Variants in SLC25A17 observed in about 807,000 individuals in gnomAD.
SLC25A17 encodes peroxisomal membrane protein PMP34.
Under a neutral mutation model 38.5 loss-of-function variants are expected in SLC25A17, and 26 were observed. The observed-to-expected ratio is 0.68, with a 90% confidence interval of 0.50 to 0.94. SLC25A17 has a LOEUF of 0.94. SLC25A17 is among the 40% of genes least tolerant of loss of function. The pLI is 0.00. For synonymous variants in SLC25A17, 139 were observed against 136.2 expected, an observed-to-expected ratio of 1.02 and a Z score of -0.14; for missense variants, 333 against 372.7, an observed-to-expected ratio of 0.89 and a Z score of 0.88.
chr22:40,770,890 T>G lies in SLC25A17; in HGVS notation c.868A>C (p.Lys290Gln). ...ACTGTGAAGGTGGCAGCTGTCAGTT[T>G]CTCATAAACAAGGAACATGAGAGCA... ...TAALMFLVYE[K>Q]LTAATFTVMG... The change falls in exon 9 of 9, where the codon AAA (lysine) becomes CAA (glutamine). Residue 290 changes from lysine to glutamine, a missense_variant. Lys to Gln is a moderately conservative substitution (Grantham distance 53). Transcript: ENST00000435456. 6.2e-7 allele frequency: 1 copy of G among 1,613,574 alleles called. No individual in the cohort carries two copies. The highest frequency in any genetic ancestry group is 8.5e-7 in the Non-Finnish European group (1 of 1,179,574).
chr22:40,796,880 C>T lies in SLC25A17; in HGVS notation c.115+2143G>A, dbSNP rs542932416. On this transcript the variant is annotated intron_variant, in intron 2 of 8. Transcript: ENST00000435456. Reference sequence around the variant, plus strand: ...GAACACTCCACGGCTGTAAGACAGACGAAGACGCTCCCAATGCGCTGATTC... The same window carrying T: ...GAACACTCCACGGCTGTAAGACAGATGAAGACGCTCCCAATGCGCTGATTC... Among the ~76,000 whole-genome samples, 7 of 152,098 alleles carry T rather than the reference C, an allele frequency of 4.6e-5. No individual in the cohort carries two copies. The South Asian group carries it at 8.3e-4, about 18-fold the overall frequency.
chr22:40,815,094 C>T (rs911308704), intron 1 of SLC25A17, among the ~76,000 whole-genome samples: 1 of 152,076 alleles, frequency 6.6e-6, no homozygotes, highest in Admixed American at 6.6e-5. Flanking sequence ...GCTGGGATTA[C>T]AGGTGTGAGC....
chr22:40,774,530 A>G (rs1011283065), intron 7 of SLC25A17, among the ~76,000 whole-genome samples: 2 of 152,184 alleles, frequency 1.3e-5, no homozygotes, highest in Admixed American at 1.3e-4. Flanking sequence ...GGCCTAAGAA[A>G]AATTTTTCAA....
At chr22:40,771,261 C>G (rs1031031766) in intron 8 of SLC25A17, among the ~76,000 whole-genome samples, 8 of 152,286 alleles carry the variant, frequency 5.3e-5, no homozygotes, top group South Asian at 4.1e-4. Context: ...GCACCCGCCA[C>G]GACACCAGGC....
intron 2 of SLC25A17, among the ~76,000 whole-genome samples, chr22:40,798,527 A>G (rs2057450568): frequency 6.6e-6 from 1 of 152,064 alleles, no homozygotes; most frequent in African/African-American, 2.4e-5. Flanking sequence ...TCTACCAGGT[A>G]TCTATCTTCT....
chr22:40,772,172 C>T (rs748049550), intron 8 of SLC25A17, among the ~76,000 whole-genome samples: 6 of 152,170 alleles, frequency 3.9e-5, no homozygotes, highest in Non-Finnish European at 8.8e-5. Flanking sequence ...GCCAAATTGC[C>T]TTCCAAAGCA....
chr22:40,798,638 G>C (rs1326834679), intron 2 of SLC25A17, among the ~76,000 whole-genome samples: 1 of 46,426 alleles, frequency 2.2e-5, no homozygotes, highest in Non-Finnish European at 4.3e-5. Context: ...ATCCCCTCTA[G>C]AAAAATAAAA....
chr22:40,808,707 A>G (rs552941798), intron 1 of SLC25A17, among the ~76,000 whole-genome samples: 5 of 152,186 alleles, frequency 3.3e-5, no homozygotes, highest in Non-Finnish European at 7.4e-5. Context: ...AGAGGCAAAT[A>G]TTTTTTGTAA....
intron 4 of SLC25A17, among the ~76,000 whole-genome samples, chr22:40,787,015 A>G (rs1234140922): frequency 1.3e-5 from 2 of 152,236 alleles, no homozygotes; most frequent in Admixed American, 6.5e-5. Context: ...CTGTCTAGCA[A>G]AAGATGAAGA....
intron 4 of SLC25A17, among the ~76,000 whole-genome samples, chr22:40,787,140 G>A (rs1470583496): frequency 6.6e-6 from 1 of 152,186 alleles, no homozygotes; most frequent in African/African-American, 2.4e-5. Context: ...GTGGGTACAG[G>A]AAACAAGGAA....
At chr22:40,780,460 A>G (rs1416442406) in intron 4 of SLC25A17, among the ~76,000 whole-genome samples, 1 of 152,232 alleles carries the variant, frequency 6.6e-6, no homozygotes, top group Non-Finnish European at 1.5e-5. Context: ...TTAGTTACAG[A>G]TTCTTCCTAG....
chr22:40,807,351 A>G (rs1433860980), intron 1 of SLC25A17, among the ~76,000 whole-genome samples: 1 of 152,240 alleles, frequency 6.6e-6, no homozygotes, highest in African/African-American at 2.4e-5. Context: ...ATTTTCCTAA[A>G]GTCAGACAGC....
chr22:40,802,734 G>C (rs1428365743), intron 1 of SLC25A17, among the ~76,000 whole-genome samples: 1 of 152,134 alleles, frequency 6.6e-6, no homozygotes, highest in Non-Finnish European at 1.5e-5. Flanking sequence ...AGGGTTAGCT[G>C]AAAACCCACC....
chr22:40,799,054 A>G lies in SLC25A17; in HGVS notation c.84T>C (p.Phe28=), dbSNP rs2057457059. 1 of 1,613,324 alleles carries G rather than the reference A, an allele frequency of 6.2e-7. No individual in the cohort carries two copies. Among genetic ancestry groups the G allele is most frequent in the Non-Finnish European group, 8.5e-7 (1 of 1,179,306 alleles). The change falls in exon 2 of 9, where the codon TTT becomes TTC. Residue 28 remains phenylalanine, a synonymous_variant. Coordinates refer to ENST00000435456, the MANE Select transcript of SLC25A17 (RefSeq NM_006358.4). ...VGSVTAMTVF[F]PLDTARLRLQ... ...GTCGAAGTCTAGCTGTATCCAGGGGAAAAAACACTGTCATTGCTGTCACGC... is the reference window on the plus strand; with the variant it reads ...GTCGAAGTCTAGCTGTATCCAGGGGGAAAAACACTGTCATTGCTGTCACGC...
chr22:40,776,961 A>C, intron 7 of SLC25A17, 79 bp downstream of exon 7: 1 of 1,213,438 alleles, frequency 8.2e-7, no homozygotes, highest in Non-Finnish European at 1.2e-6. Context: ...TTATTGCTTT[A>C]TTAACATTGT....
intron 1 of SLC25A17, among the ~76,000 whole-genome samples, chr22:40,809,279 G>C (rs2057556692): frequency 6.6e-6 from 1 of 151,722 alleles, no homozygotes; most frequent in South Asian, 2.1e-4. Context: ...ACTGCTTGAG[G>C]CCAAGAGTTC....
At chr22:40,779,233 C>T (rs1004015156) in intron 4 of SLC25A17, 108 bp from the exon 5 acceptor site, 1 of 1,569,340 alleles carries the variant, frequency 6.4e-7, no homozygotes, top group Non-Finnish European at 8.6e-7. Context: ...TGTCACTGAC[C>T]TCTTAGGAGA....
chr22:40,794,631 T>G (rs1312330834), intron 2 of SLC25A17, 51 bp from the exon 3 acceptor site: 5 of 1,240,304 alleles, frequency 4.0e-6, no homozygotes, highest in Non-Finnish European at 5.6e-6. Context: ...AAAAAAATTT[T>G]TTTTTTGAGA....
Position 40,777,034 on chromosome 22 carries a change from A to T in SLC25A17, c.693+6T>A, listed in dbSNP as rs2057250123. On this transcript the variant is annotated splice_donor_region_variant and intron_variant, in intron 7 of 8. Transcript: ENST00000435456. ...GACTAAATGCGAAGAGAACTCCAGC[A>T]CTCACCCTCAGAATTGACTGTACCG... 1 of 1,612,876 alleles carries T rather than the reference A, an allele frequency of 6.2e-7. No homozygotes were observed. The highest frequency in any genetic ancestry group is 8.5e-7 in the Non-Finnish European group (1 of 1,178,940).
Sources: gnomAD v4.1 joint callset for allele counts (sites outside exome capture counted in the v4.1 genomes callset) on GRCh38, gnomAD v4.1.1 for gene constraint, MANE v1.5 for transcripts, NCBI Gene and HGNC (gene_info 2026-07-23, HGNC 2026-07-21) for gene names.